The following SPTLC1 variants were observed in gnomAD, a reference collection of about 807,000 sequenced individuals.
SPTLC1 encodes the protein serine palmitoyltransferase 1.
SPTLC1 carries 55 observed loss-of-function variants against 68.9 expected under a neutral mutation model. The ratio of observed to expected loss-of-function variants is 0.80; its 90% CI spans 0.64 to 1.00. The LOEUF (loss-of-function observed/expected upper bound fraction) is 1.00. Among genes scored for constraint, SPTLC1 ranks in the 50% least tolerant of loss-of-function variants. The pLI, the probability that SPTLC1 is intolerant of heterozygous loss-of-function variation, is 0.00. For synonymous variants in SPTLC1, 197 were observed against 201.6 expected (o/e 0.98, Z 0.19); for missense variants, 449 against 573.1 (o/e 0.78, Z 2.21).
At chr9:92,081,566 G>A (rs552291705) in intron 3 of SPTLC1, among the ~76,000 whole-genome samples, 2 of 152,282 alleles carry the variant, frequency 1.3e-5, no homozygotes, top group South Asian at 4.1e-4. Context: ...CAGGAGAATG[G>A]GCTCCTGAAG....
intron 3 of SPTLC1, among the ~76,000 whole-genome samples, chr9:92,098,436 G>A (rs1835621880): frequency 6.6e-6 from 1 of 151,962 alleles, no homozygotes; most frequent in African/African-American, 2.4e-5. Flanking sequence ...TGCCCTCTTT[G>A]TCTCGCCCCT....
chr9:92,100,552 G>A (rs935805991), intron 3 of SPTLC1, among the ~76,000 whole-genome samples: 5 of 152,100 alleles, frequency 3.3e-5, no homozygotes, highest in African/African-American at 9.7e-5. Flanking sequence ...CCATCAGTGC[G>A]CTCACCAACT....
intron 3 of SPTLC1, chr9:92,105,558 G>C (rs1050413170): frequency 8.9e-6 from 5 of 561,942 alleles, no homozygotes; most frequent in Non-Finnish European, 1.6e-5. Flanking sequence ...GCCTCTGCCC[G>C]GCTGCTCCAC....
In SPTLC1 at chr9:92,068,041, A is replaced by C. The variant is rs767902435; in HGVS notation, c.485T>G (p.Ile162Ser). Residue 162 changes from isoleucine (I) to serine (S), a missense_variant, in exon 6 of 15, where the codon ATT (isoleucine) becomes AGT (serine). Transcript: ENST00000262554. ...GGTGGCAAATCCATATGAGTATATA[A>C]TGGCTTCTTCTGTCTTCATAAATTT... ...LAKFMKTEEA[I>S]IYSYGFATIA... 1.2e-6 allele frequency: 2 copies of C among 1,614,072 alleles called. No individual in the cohort carries two copies. Among genetic ancestry groups the C allele is most frequent in the East Asian group, 2.2e-5 (1 of 44,852 alleles).
chr9:92,065,326 T>C (rs1834242814), intron 6 of SPTLC1, among the ~76,000 whole-genome samples: 1 of 152,244 alleles, frequency 6.6e-6, no homozygotes, highest in African/African-American at 2.4e-5. Flanking sequence ...ACAGTGTCTA[T>C]GCCTGACAAA....
rs2118462490 is a variant in SPTLC1, at chr9:92,048,934, C to G, written c.888+1026G>C. The stretch of plus-strand genomic sequence containing the variant: ...ACAGTATTTCCCAAAGTGACAACTG[C>G]TGGAAGCATTCACAAAACTACAACA... On this transcript the variant is annotated intron_variant, in intron 9 of 14. Coordinates refer to ENST00000262554, the MANE Select transcript of SPTLC1 (RefSeq NM_006415.4). Among the ~76,000 whole-genome samples the G allele has an allele frequency of 1.3e-5, 2 of 152,314 alleles. 1 individual carries two copies. Among genetic ancestry groups the G allele is most frequent in the South Asian group, 4.1e-4 (2 of 4,824 alleles).
intron 3 of SPTLC1, among the ~76,000 whole-genome samples, chr9:92,093,179 A>G (rs536821296): frequency 6.6e-6 from 1 of 152,330 alleles, no homozygotes; most frequent in East Asian, 1.9e-4. Context: ...ATTTCAGAAA[A>G]TACAACATAA....
At chr9:92,084,384 T>C (rs1009707500) in intron 3 of SPTLC1, among the ~76,000 whole-genome samples, 2 of 152,238 alleles carry the variant, frequency 1.3e-5, no homozygotes, top group African/African-American at 2.4e-5. Context: ...GGGTCTGTCA[T>C]AGATAGCTCT....
At chr9:92,035,293 T>C (rs890879119) in intron 13 of SPTLC1, among the ~76,000 whole-genome samples, 1 of 152,214 alleles carries the variant, frequency 6.6e-6, no homozygotes, top group Admixed American at 6.5e-5. Flanking sequence ...GCTGGACTTA[T>C]GACCACCACC....
intron 12 of SPTLC1, among the ~76,000 whole-genome samples, chr9:92,041,755 GAA>G (rs1833355982): frequency 6.6e-6 from 1 of 152,116 alleles, no homozygotes; most frequent in Non-Finnish European, 1.5e-5. Flanking sequence ...TAACAGTGTA[GAA>G]AAAGATATTA....
intron 12 of SPTLC1, 52 bp from the exon 13 acceptor site, chr9:92,038,417 T>C (rs1227740855): frequency 8.5e-7 from 1 of 1,172,678 alleles, no homozygotes; most frequent in Admixed American, 1.7e-5. Context: ...GGCTTGAAGA[T>C]CGCTCACGGA....
chr9:92,113,736 G>A (rs1836327988), intron 1 of SPTLC1, among the ~76,000 whole-genome samples: 1 of 152,210 alleles, frequency 6.6e-6, no homozygotes, highest in Admixed American at 6.5e-5. Flanking sequence ...GCTGTTTCAA[G>A]ATAAAATTCC....
intron 5 of SPTLC1, among the ~76,000 whole-genome samples, chr9:92,074,480 CTCCTT>C (rs763356538): frequency 2.0e-5 from 3 of 152,100 alleles, no homozygotes; most frequent in Non-Finnish European, 4.4e-5. Flanking sequence ...CTCGCAACCT[CTCCTT>C]TCATCTCCCC....
At position 92,087,131 on chromosome 9, in the gene SPTLC1, G is replaced by T. The variant is rs1376009633; in HGVS notation, c.261-6168C>A. ...GCACTTCTCTGTATTGGTTATTCTA[G>T]TTATACATTCGTCTAAATTTTTTTC... On this transcript the variant is annotated intron_variant, in intron 3 of 14. Coordinates refer to ENST00000262554, the MANE Select transcript of SPTLC1 (RefSeq NM_006415.4). Among the ~76,000 whole-genome samples the T allele has an allele frequency of 2.6e-5, 4 of 151,732 alleles. No homozygotes were observed. The East Asian group carries it at 8.0e-4, about 30-fold the overall frequency.
intron 5 of SPTLC1, 191 bp downstream of exon 5, chr9:92,079,825 T>G (rs888167326): frequency 1.5e-6 from 1 of 669,306 alleles, no homozygotes; most frequent in African/African-American, 1.8e-5. Context: ...CGGCTAATTT[T>G]ATTATTTTTT....
intron 3 of SPTLC1, among the ~76,000 whole-genome samples, chr9:92,081,578 T>C (rs755549833): frequency 1.3e-5 from 2 of 152,124 alleles, no homozygotes; most frequent in Non-Finnish European, 2.9e-5. Flanking sequence ...CTCCTGAAGG[T>C]ACTTCCGTTA....
At chr9:92,035,815 G>A (rs1833121668) in intron 13 of SPTLC1, among the ~76,000 whole-genome samples, 1 of 152,230 alleles carries the variant, frequency 6.6e-6, no homozygotes, top group African/African-American at 2.4e-5. Context: ...ACTAGGCAAT[G>A]ACAACAGCCT....
chr9:92,036,123 G>A (rs1201741160), intron 13 of SPTLC1, among the ~76,000 whole-genome samples: 1 of 152,226 alleles, frequency 6.6e-6, no homozygotes, highest in Non-Finnish European at 1.5e-5. Context: ...ATGATGCACA[G>A]AAGCGGGAAG....
intron 14 of SPTLC1, among the ~76,000 whole-genome samples, chr9:92,033,359 C>G (rs180889644): frequency 6.6e-6 from 1 of 152,296 alleles, no homozygotes; most frequent in East Asian, 1.9e-4. Context: ...TTCAGGAAAT[C>G]AAAGAAATAA....
Sources: allele counts gnomAD v4.1 joint callset (sites outside exome capture counted in the v4.1 genomes callset), GRCh38; gene constraint gnomAD v4.1.1; transcripts MANE v1.5; gene names NCBI Gene and HGNC (gene_info 2026-07-23, HGNC 2026-07-21).